Variants in ARPP21 observed in about 807,000 individuals in gnomAD.
ARPP21 encodes cAMP-regulated phosphoprotein 21.
Under a neutral mutation model 113.2 loss-of-function variants are expected in ARPP21, and 69 were observed. The ratio of observed to expected loss-of-function variants is 0.61; its 90% confidence interval spans 0.50 to 0.74. The LOEUF (loss-of-function observed/expected upper bound fraction) is 0.74. ARPP21 is among the 30% of genes least tolerant of loss of function. The pLI is 0.00. For synonymous variants in ARPP21, 368 were observed against 375.5 expected (o/e 0.98, Z 0.23); for missense variants, 1,070 against 1,037.4 (o/e 1.03, Z -0.43).
chr3:35,641,075 A>G (rs750524399), intron 1 of ARPP21: 1 of 152,216 alleles, frequency 6.6e-6, no homozygotes, highest in Non-Finnish European at 1.5e-5. Context: ...TCCAAGCCTA[A>G]AAGAAAAAAC....
chr3:35,654,189 G>T (rs1466269932), intron 1 of ARPP21, among the ~76,000 whole-genome samples: 1 of 151,940 alleles, frequency 6.6e-6, no homozygotes, highest in Non-Finnish European at 1.5e-5. Flanking sequence ...ATGAAAAATG[G>T]TTTTAAAGAT....
intron 12 of ARPP21, 178 bp downstream of exon 12, chr3:35,715,654 T>C: frequency 4.5e-6 from 2 of 439,970 alleles, no homozygotes; most frequent in Non-Finnish European, 7.9e-6. Flanking sequence ...TGATCTAATT[T>C]GGAAAAAAAA....
At chr3:35,671,081 T>C (rs1454701406) in intron 1 of ARPP21, among the ~76,000 whole-genome samples, 1 of 152,128 alleles carries the variant, frequency 6.6e-6, no homozygotes, top group African/African-American at 2.4e-5. Context: ...AGAGTCTCTG[T>C]AAAGGCACAT....
At chr3:35,653,519 G>A (rs867614687) in intron 1 of ARPP21, among the ~76,000 whole-genome samples, 23 of 152,106 alleles carry the variant, frequency 1.5e-4, no homozygotes, top group African/African-American at 4.8e-4. Flanking sequence ...TGTGGTTGCC[G>A]TTTATGGCAC....
chr3:35,704,900 G>T (rs888348336), intron 9 of ARPP21, among the ~76,000 whole-genome samples: 3 of 151,976 alleles, frequency 2.0e-5, no homozygotes, highest in Non-Finnish European at 2.9e-5. Context: ...GTGCTTTAAT[G>T]CTTTTCACTT....
chr3:35,733,332 A>G (rs977454498), intron 15 of ARPP21, among the ~76,000 whole-genome samples: 8 of 151,980 alleles, frequency 5.3e-5, no homozygotes, highest in Non-Finnish European at 1.0e-4. Flanking sequence ...GCAGTTTTTC[A>G]CCTAATGTCA....
intron 11 of ARPP21, among the ~76,000 whole-genome samples, chr3:35,713,722 C>T (rs1039918499): frequency 1.3e-5 from 2 of 152,114 alleles, no homozygotes; most frequent in Admixed American, 1.3e-4. Flanking sequence ...TTGCTTGTGT[C>T]TTACTTTTTA....
At position 35,736,821 on chromosome 3, in the gene ARPP21, C is replaced by A. The variant is rs191796874; in HGVS notation, c.1460-357C>A. On this transcript the variant is annotated intron_variant, in intron 15 of 20. Coordinates refer to ENST00000684406, the MANE Select transcript of ARPP21 (RefSeq NM_001385562.1). ...CGTTATCCTTCAGTGTATGTTATCT[C>A]ACTAATGGCTGTGAGGTGCAGTGCA... is the stretch of plus-strand genomic sequence containing the variant. Among the ~76,000 whole-genome samples, 436 of 152,292 alleles carry A rather than the reference C, an allele frequency of 2.9e-3. 3 individuals carry two copies. The highest frequency in any genetic ancestry group is 0.026 in the South Asian group (124 of 4,820).
chr3:35,709,093 T>C (rs1378837332), intron 11 of ARPP21, 23 bp downstream of exon 11: 11 of 1,519,298 alleles, frequency 7.2e-6, no homozygotes, highest in African/African-American at 1.4e-5. Flanking sequence ...TTTAATTGCC[T>C]CTTTAGTGCG....
At chr3:35,663,294 C>T (rs1372625677) in intron 1 of ARPP21, among the ~76,000 whole-genome samples, 2 of 152,124 alleles carry the variant, frequency 1.3e-5, no homozygotes, top group Admixed American at 6.5e-5. Context: ...GTGATCTATA[C>T]GGTTTTTAAA....
At chr3:35,654,166 G>A (rs780012332) in intron 1 of ARPP21, among the ~76,000 whole-genome samples, 1 of 151,946 alleles carries the variant, frequency 6.6e-6, no homozygotes, top group Non-Finnish European at 1.5e-5. Context: ...GAAAATAAAT[G>A]GTGATAAAAT....
chr3:35,752,957 A>AATCACATATAATTTTAAGAATCAC, intron 19 of ARPP21, among the ~76,000 whole-genome samples: 2 of 152,102 alleles, frequency 1.3e-5, no homozygotes, highest in South Asian at 4.1e-4. Flanking sequence ...AAAGCATATG[A>AATCACATATAATTTTAAGAATCAC]ATATAATGTG....
At chr3:35,755,461 T>C (rs1559863249) in intron 19 of ARPP21, among the ~76,000 whole-genome samples, 1 of 152,048 alleles carries the variant, frequency 6.6e-6, no homozygotes, top group Admixed American at 6.6e-5. Flanking sequence ...ATGCTGCTCA[T>C]GTTATGTTTT....
At chr3:35,785,442 C>A (rs2096610497) in intron 19 of ARPP21, among the ~76,000 whole-genome samples, 1 of 152,116 alleles carries the variant, frequency 6.6e-6, no homozygotes, top group African/African-American at 2.4e-5. Context: ...TGGAGGCATT[C>A]ATTGAAATTC....
chr3:35,681,668 T>A, intron 2 of ARPP21, 46 bp from the exon 3 acceptor site: 1 of 974,286 alleles, frequency 1.0e-6, no homozygotes, highest in South Asian at 1.8e-5. Flanking sequence ...AGAATGATAG[T>A]AAATACCTTG....
At chr3:35,721,202 G>A (rs1378485793) in intron 13 of ARPP21, among the ~76,000 whole-genome samples, 1 of 152,158 alleles carries the variant, frequency 6.6e-6, no homozygotes, top group Non-Finnish European at 1.5e-5. Flanking sequence ...TTTGGTGGGA[G>A]TTACTTTTAG....
chr3:35,762,126 TCA>T lies in ARPP21; in HGVS notation c.2137+18189_2137+18190del, dbSNP rs371775285. ...CTCTCTCTCTCTCTCTCTCTCTCTC[TCA>T]CACACACACACACACACACACACAC... On this transcript the variant is annotated intron_variant, in intron 19 of 20. Coordinates refer to ENST00000684406, the MANE Select transcript of ARPP21 (RefSeq NM_001385562.1). Among the ~76,000 whole-genome samples, 533 of 126,940 alleles carry T rather than the reference TCA, an allele frequency of 4.2e-3. 4 individuals carry two copies. Among genetic ancestry groups the T allele is most frequent in the South Asian group, 9.1e-3 (35 of 3,844 alleles). 83.3% of individuals were successfully genotyped at this position (126,940 alleles called of 152,430 possible). A position where few individuals can be genotyped will look rare whatever the true frequency, so the allele number is the denominator to read the frequency against.
intron 19 of ARPP21, among the ~76,000 whole-genome samples, chr3:35,786,366 A>G (rs2151832242): frequency 6.6e-6 from 1 of 152,146 alleles, no homozygotes; most frequent in South Asian, 2.1e-4. Context: ...TACTAAAAAT[A>G]CAAAAATTAG....
At chr3:35,757,491 C>T (rs542298185) in intron 19 of ARPP21, among the ~76,000 whole-genome samples, 17 of 151,994 alleles carry the variant, frequency 1.1e-4, no homozygotes, top group Non-Finnish European at 2.4e-4. Flanking sequence ...GAGAACAATC[C>T]AATGACAAAA....
Sources: allele counts gnomAD v4.1 joint callset (sites outside exome capture counted in the v4.1 genomes callset), GRCh38; gene constraint gnomAD v4.1.1; transcripts MANE v1.5; gene names NCBI Gene and HGNC (gene_info 2026-07-23, HGNC 2026-07-21).